The following GRIN2A variants were observed in gnomAD, a reference collection of about 807,000 sequenced individuals.
GRIN2A encodes glutamate receptor ionotropic, NMDA 2A.
In GRIN2A, 22 loss-of-function variants were observed where a neutral mutation model predicts 113.4. The ratio of observed to expected loss-of-function variants is 0.19; its 90% confidence interval spans 0.14 to 0.28. The LOEUF is 0.28. Ranked by LOEUF, GRIN2A falls within the 10% of genes least tolerant of loss-of-function variation. The pLI, the probability that GRIN2A is intolerant of heterozygous loss-of-function variation, is 1.00. For synonymous variants in GRIN2A, 827 were observed against 738.4 expected, an observed-to-expected ratio of 1.12 and a Z score of -1.94; for missense variants, 1,502 against 1,887.0, an observed-to-expected ratio of 0.80 and a Z score of 3.78.
At chr16:9,843,259 C>T (rs1040777924) in intron 5 of GRIN2A, among the ~76,000 whole-genome samples, 3 of 152,114 alleles carry the variant, frequency 2.0e-5, no homozygotes, top group Admixed American at 1.3e-4. Context: ...CACAGACACA[C>T]ACACACGCAT....
intron 2 of GRIN2A, among the ~76,000 whole-genome samples, chr16:10,171,809 T>C (rs956578915): frequency 1.3e-5 from 2 of 152,234 alleles, no homozygotes; most frequent in Admixed American, 6.5e-5. Context: ...CTAATATCCA[T>C]GATGTCATTT....
chr16:10,102,654 C>A (rs1251589344), intron 2 of GRIN2A, among the ~76,000 whole-genome samples: 1 of 152,080 alleles, frequency 6.6e-6, no homozygotes, highest in African/African-American at 2.4e-5. Context: ...TCAAGCAATT[C>A]TTGTGCCTCA....
At chr16:10,117,927 C>G (rs930630169) in intron 2 of GRIN2A, among the ~76,000 whole-genome samples, 13 of 152,144 alleles carry the variant, frequency 8.5e-5, no homozygotes, top group Non-Finnish European at 1.5e-4. Flanking sequence ...GACTGGGCAC[C>G]CCTTGTGCTA....
At position 10,180,161 on chromosome 16, in the gene GRIN2A, G is replaced by A. The variant is rs1354238435; in HGVS notation, c.251C>T (p.Thr84Met). ...CCCGGACATGAGGTCGCACACGTGC[G>A]TGATGAGGCTCTTGGGGTCGGTGCG... ...MNRTDPKSLI[T>M]HVCDLMSGAR... The change falls in exon 2 of 13, where the codon ACG (threonine) becomes ATG (methionine). Residue 84 changes from threonine to methionine, a missense_variant. By Grantham distance (81) the Thr-to-Met change is moderately conservative. Coordinates refer to ENST00000330684, the MANE Select transcript of GRIN2A (RefSeq NM_001134407.3). The surrounding 1 kb of genome is among the most constrained non-coding windows in gnomAD (Gnocchi z 7.0). The A allele has an allele frequency of 6.2e-7, 1 of 1,614,232 alleles. No homozygotes were observed. Among genetic ancestry groups the A allele is most frequent in the South Asian group, 1.1e-5 (1 of 91,088 alleles).
Position 9,762,882 on chromosome 16 carries a change from G to A in GRIN2A, c.*267C>T, listed in dbSNP as rs560708210. On this transcript the variant is annotated 3_prime_UTR_variant, in exon 13 of 13. Transcript: ENST00000330684. Reference sequence around the variant, plus strand: ...CCAACATACCCAGTAGGCATGTCCCGGAGACTTGCCCTTATGTAGTTAGTT... The same window carrying A: ...CCAACATACCCAGTAGGCATGTCCCAGAGACTTGCCCTTATGTAGTTAGTT... The A allele has an allele frequency of 8.6e-5, 47 of 544,504 alleles. No homozygotes were observed. Among genetic ancestry groups the A allele is most frequent in the Middle Eastern group, 4.9e-4 (1 of 2,032 alleles). 33.7% of individuals were successfully genotyped at this position (544,504 alleles called of 1,614,324 possible). A position where few individuals can be genotyped will look rare whatever the true frequency, so the allele number is the denominator to read the frequency against.
chr16:10,086,591 G>A (rs1008447723), intron 2 of GRIN2A, among the ~76,000 whole-genome samples: 5 of 146,716 alleles, frequency 3.4e-5, no homozygotes, highest in Admixed American at 2.0e-4. Context: ...CCATACCAGG[G>A]GGTGGAGCAG....
chr16:10,074,643 A>G (rs2047833646), intron 2 of GRIN2A, among the ~76,000 whole-genome samples: 1 of 152,226 alleles, frequency 6.6e-6, no homozygotes. Context: ...AAGGCCATGT[A>G]TTATACAATT....
Position 9,772,723 on chromosome 16 carries a change from C to T in GRIN2A, c.2357-3634G>A, listed in dbSNP as rs563746832. On this transcript the variant is annotated intron_variant, in intron 11 of 12. Coordinates refer to ENST00000330684, the MANE Select transcript of GRIN2A (RefSeq NM_001134407.3). ...AAAAATGGGTCTTCTCACTATGACT[C>T]ATCAGATTCCCAGAACATCTTCCTT... is the stretch of plus-strand genomic sequence containing the variant. Among the ~76,000 whole-genome samples, 23 of 152,236 alleles carry T rather than the reference C, an allele frequency of 1.5e-4. No individual in the cohort carries two copies. The South Asian group carries it at 4.8e-3, about 32-fold the overall frequency.
At chr16:9,927,386 A>G (rs1244727401) in intron 3 of GRIN2A, among the ~76,000 whole-genome samples, 1 of 152,216 alleles carries the variant, frequency 6.6e-6, no homozygotes, top group African/African-American at 2.4e-5. Context: ...ATTTGGCCAC[A>G]AAGAAGTCTT....
At chr16:9,992,022 C>T (rs1489137045) in intron 2 of GRIN2A, among the ~76,000 whole-genome samples, 1 of 152,080 alleles carries the variant, frequency 6.6e-6, no homozygotes, top group Non-Finnish European at 1.5e-5. Flanking sequence ...ACCTATGTAA[C>T]AAAACTGCAC....
At chr16:10,116,761 T>C (rs2048735786) in intron 2 of GRIN2A, among the ~76,000 whole-genome samples, 1 of 152,202 alleles carries the variant, frequency 6.6e-6, no homozygotes. Flanking sequence ...ACCTCATTAC[T>C]GTCTCCCTGA....
At chr16:10,126,165 A>ATG (rs1476170636) in intron 2 of GRIN2A, among the ~76,000 whole-genome samples, 1 of 71,488 alleles carries the variant, frequency 1.4e-5, no homozygotes, top group African/African-American at 4.7e-5. Context: ...CTTTATATAT[A>ATG]TATATATTTT....
intron 2 of GRIN2A, among the ~76,000 whole-genome samples, chr16:10,096,548 A>ACT (rs1190390561): frequency 6.6e-6 from 1 of 150,834 alleles, no homozygotes; most frequent in Non-Finnish European, 1.5e-5. Context: ...AAACACACAC[A>ACT]CACACACACA....
At chr16:9,844,551 C>G (rs960575139) in intron 5 of GRIN2A, among the ~76,000 whole-genome samples, 1 of 152,126 alleles carries the variant, frequency 6.6e-6, no homozygotes, top group African/African-American at 2.4e-5. Flanking sequence ...CACCACCACC[C>G]AAGAGAGGGA....
At chr16:10,060,928 A>G (rs1339432783) in intron 2 of GRIN2A, among the ~76,000 whole-genome samples, 1 of 152,254 alleles carries the variant, frequency 6.6e-6, no homozygotes, top group African/African-American at 2.4e-5. Context: ...ACATCAGAGC[A>G]GAAACTGCTG....
intron 2 of GRIN2A, among the ~76,000 whole-genome samples, chr16:9,949,783 G>A (rs1337305113): frequency 2.0e-5 from 3 of 152,146 alleles, no homozygotes; most frequent in African/African-American, 7.2e-5. Flanking sequence ...ATGAACAGAT[G>A]GACGGATGGG....
chr16:9,865,537 C>T (rs2043147918), intron 4 of GRIN2A, among the ~76,000 whole-genome samples: 1 of 152,214 alleles, frequency 6.6e-6, no homozygotes, highest in Non-Finnish European at 1.5e-5. Flanking sequence ...AGCTATGTCA[C>T]ATCAAAACCT....
intron 3 of GRIN2A, among the ~76,000 whole-genome samples, chr16:9,917,273 T>C (rs899962986): frequency 6.6e-6 from 1 of 152,242 alleles, no homozygotes; most frequent in Non-Finnish European, 1.5e-5. Context: ...TTTTATGTAT[T>C]TGATTCCTTA....
At chr16:10,148,153 C>T (rs1024461231) in intron 2 of GRIN2A, among the ~76,000 whole-genome samples, 1 of 152,174 alleles carries the variant, frequency 6.6e-6, no homozygotes, top group Middle Eastern at 3.2e-3. Context: ...AAACTACAGC[C>T]TGTGAGCCAA....
Sources: allele counts gnomAD v4.1 joint callset (sites outside exome capture counted in the v4.1 genomes callset), GRCh38; gene constraint gnomAD v4.1.1; non-coding constraint Gnocchi (gnomAD v3.1); transcripts MANE v1.5; gene names NCBI Gene and HGNC (gene_info 2026-07-23, HGNC 2026-07-21).